Variants in PTPRD observed in about 807,000 individuals in gnomAD.
The protein encoded by PTPRD is protein tyrosine phosphatase receptor type D, also known as receptor-type tyrosine-protein phosphatase delta.
Under a neutral mutation model 214.5 loss-of-function variants are expected in PTPRD, and 34 were observed. The ratio of observed to expected loss-of-function variants is 0.16; its 90% CI spans 0.12 to 0.21. The LOEUF (loss-of-function observed/expected upper bound fraction) is 0.21. Among genes scored for constraint, PTPRD ranks in the 10% least tolerant of loss-of-function variants. The pLI is 1.00. For synonymous variants in PTPRD, 1,128 were observed against 845.7 expected (o/e 1.33, Z -5.79); for missense variants, 2,545 against 2,398.7 (o/e 1.06, Z -1.27).
At chr9:9,924,575 C>A (rs1326474918) in intron 5 of PTPRD, among the ~76,000 whole-genome samples, 1 of 149,272 alleles carries the variant, frequency 6.7e-6, no homozygotes, top group Non-Finnish European at 1.5e-5. Context: ...CTTTCCTTGC[C>A]TTTCCAGTAC....
intron 5 of PTPRD, among the ~76,000 whole-genome samples, chr9:9,773,727 T>G (rs1009609517): frequency 6.6e-6 from 1 of 151,920 alleles, no homozygotes; most frequent in African/African-American, 2.4e-5. Context: ...AATGCCAATT[T>G]ATGCTGCTGA....
chr9:8,871,995 G>A (rs1024467807), intron 11 of PTPRD, among the ~76,000 whole-genome samples: 4 of 152,022 alleles, frequency 2.6e-5, no homozygotes, highest in Non-Finnish European at 4.4e-5. Context: ...GAAACCAGCC[G>A]CAATGCAATC....
chr9:9,594,962 A>G (rs1054351118), intron 7 of PTPRD, among the ~76,000 whole-genome samples: 6 of 152,014 alleles, frequency 3.9e-5, no homozygotes, highest in Non-Finnish European at 2.9e-5. Context: ...AGATCTACAA[A>G]TGGTCAACAA....
intron 39 of PTPRD, among the ~76,000 whole-genome samples, chr9:8,374,467 TG>T (rs2082623984): frequency 6.6e-6 from 1 of 152,026 alleles, no homozygotes; most frequent in Non-Finnish European, 1.5e-5. Context: ...TAATTTTTAA[TG>T]TTTTACAATC....
chr9:10,322,521 A>G (rs943390766), intron 3 of PTPRD, among the ~76,000 whole-genome samples: 3 of 152,164 alleles, frequency 2.0e-5, no homozygotes, highest in Admixed American at 6.5e-5. Context: ...TGCATCTACA[A>G]CTGAACTTTA....
At chr9:9,164,128 G>A (rs1470126301) in intron 10 of PTPRD, among the ~76,000 whole-genome samples, 1 of 151,792 alleles carries the variant, frequency 6.6e-6, no homozygotes, top group Non-Finnish European at 1.5e-5. Context: ...GCTTAAAACA[G>A]CACAAATTTA....
intron 34 of PTPRD, chr9:8,438,861 G>C (rs1421809616): frequency 6.6e-6 from 1 of 152,070 alleles, no homozygotes; most frequent in African/African-American, 2.4e-5. Flanking sequence ...AAAAGTATTA[G>C]TATAACAGCA....
chr9:8,330,840 CTCTCAAGAG>C (rs1264932525), intron 44 of PTPRD, among the ~76,000 whole-genome samples: 2 of 147,980 alleles, frequency 1.4e-5, no homozygotes, highest in African/African-American at 5.3e-5. Flanking sequence ...TTAATAAACT[CTCTCAAGAG>C]TTTCACCATA....
intron 12 of PTPRD, among the ~76,000 whole-genome samples, chr9:8,692,381 T>G (rs771091335): frequency 6.6e-6 from 1 of 152,186 alleles, no homozygotes; most frequent in Admixed American, 6.5e-5. Context: ...GAATCTTCCA[T>G]TGGACCTCCT....
chr9:9,270,950 T>C lies in PTPRD; in HGVS notation c.-202-87587A>G, dbSNP rs367751842. On this transcript the variant is annotated intron_variant, in intron 9 of 45. Transcript: ENST00000381196. The stretch of plus-strand genomic sequence containing the variant: ...TTGCCTGGAGTACTTGCATAAACAC[T>C]GGATTAACTTATTAATATAAAGAAG... Among the ~76,000 whole-genome samples, 6 of 151,398 alleles carry C rather than the reference T, an allele frequency of 4.0e-5. No homozygotes were observed. The South Asian group carries it at 6.2e-4, about 16-fold the overall frequency.
In PTPRD at chr9:10,083,123, C is replaced by T. The variant is rs147885669; in HGVS notation, c.-544-49333G>A. ...TTTATTTATGATGATATTCTATACC[C>T]TATAAAATATACCCTATCCTTAAAG... On this transcript the variant is annotated intron_variant, in intron 3 of 45. Coordinates refer to ENST00000381196, the MANE Select transcript of PTPRD (RefSeq NM_002839.4). 4.5e-3 allele frequency among the ~76,000 whole-genome samples: 678 copies of T among 152,052 alleles called. 8 individuals are homozygous for T. Among genetic ancestry groups the T allele is most frequent in the African/African-American group, 0.015 (620 of 41,494 alleles).
At chr9:9,189,223 G>A (rs1475080989) in intron 9 of PTPRD, among the ~76,000 whole-genome samples, 2 of 151,928 alleles carry the variant, frequency 1.3e-5, no homozygotes, top group Admixed American at 6.6e-5. Flanking sequence ...ATATCCTCTA[G>A]AGTCAGGAAA....
At chr9:10,358,960 C>T (rs933024174) in intron 2 of PTPRD, among the ~76,000 whole-genome samples, 4 of 151,838 alleles carry the variant, frequency 2.6e-5, no homozygotes, top group Non-Finnish European at 5.9e-5. Context: ...CATACTTTGC[C>T]ATAGAATTCA....
chr9:10,416,336 G>C (rs1175787367), intron 2 of PTPRD, among the ~76,000 whole-genome samples: 1 of 151,730 alleles, frequency 6.6e-6, no homozygotes, highest in African/African-American at 2.4e-5. Flanking sequence ...TCCAGCCTGG[G>C]CAAGAGAGTA....
intron 5 of PTPRD, among the ~76,000 whole-genome samples, chr9:9,934,713 C>A (rs1372434256): frequency 1.3e-5 from 2 of 151,564 alleles, no homozygotes; most frequent in African/African-American, 4.9e-5. Context: ...GGAATCCTCC[C>A]TAACTCATTT....
intron 4 of PTPRD, among the ~76,000 whole-genome samples, chr9:10,019,566 G>A (rs1452554355): frequency 2.0e-5 from 3 of 152,132 alleles, no homozygotes; most frequent in African/African-American, 4.8e-5. Context: ...AGAAAATGTG[G>A]CACATATACA....
intron 11 of PTPRD, among the ~76,000 whole-genome samples, chr9:8,829,321 C>T (rs1271594749): frequency 2.6e-5 from 4 of 152,184 alleles, no homozygotes; most frequent in Non-Finnish European, 5.9e-5. Context: ...AAGGCAATCA[C>T]TGTCATGATT....
At chr9:10,412,989 G>A (rs1412328967) in intron 2 of PTPRD, among the ~76,000 whole-genome samples, 2 of 151,750 alleles carry the variant, frequency 1.3e-5, no homozygotes, top group Non-Finnish European at 2.9e-5. Flanking sequence ...ACCCATGGCA[G>A]ACCCACAACC....
At chr9:9,509,960 G>C (rs1314916510) in intron 8 of PTPRD, among the ~76,000 whole-genome samples, 3 of 151,512 alleles carry the variant, frequency 2.0e-5, no homozygotes, top group Non-Finnish European at 4.4e-5. Context: ...CTGCCTGATA[G>C]TCCCTAACAA....
Sources: allele counts gnomAD v4.1 joint callset (sites outside exome capture counted in the v4.1 genomes callset), GRCh38; gene constraint gnomAD v4.1.1; transcripts MANE v1.5; gene names NCBI Gene and HGNC (gene_info 2026-07-23, HGNC 2026-07-21).